Variants in BANK1 observed in about 807,000 individuals in gnomAD.
BANK1 encodes the protein B-cell scaffold protein with ankyrin repeats.
BANK1 carries 95 observed loss-of-function variants against 94.5 expected under a neutral mutation model. That is an observed-to-expected ratio of 1.00 (90% CI 0.85 to 1.19). The LOEUF is 1.19. Among genes scored for constraint, BANK1 ranks in the 50% most tolerant of loss-of-function variants. The pLI is 0.00. For missense variants in BANK1, 987 were observed against 932.2 expected (o/e 1.06, Z -0.77); for synonymous variants, 334 against 308.4 (o/e 1.08, Z -0.87).
rs1560608069 is a variant in BANK1, at chr4:101,866,634, A to AT, written c.764-3870dup. Among the ~76,000 whole-genome samples, 39 of 118,782 alleles carry AT rather than the reference A, an allele frequency of 3.3e-4. 4 individuals are homozygous for AT. The highest frequency in any genetic ancestry group is 6.5e-4 in the African/African-American group (17 of 26,064). The allele number at this position is 118,782 out of a possible 152,430, so 77.9% of individuals were successfully genotyped here. On this transcript the variant is annotated intron_variant, in intron 4 of 16. Transcript: ENST00000322953. ...TACCTGTAGAGAAATGAGTATAGGA[A>AT]TACCATTTGACCCAGCCATCCCATT...
At position 101,800,636 on chromosome 4, in the gene BANK1, T is replaced by TC. The variant is rs1202621931; in HGVS notation, c.70+9687dup. Among the ~76,000 whole-genome samples, 8 of 152,342 alleles carry TC rather than the reference T, an allele frequency of 5.3e-5. No homozygotes were observed. In the East Asian group the frequency reaches 1.5e-3, roughly 29 times the overall value. ...CCTGAATAAATCTTTCTGGCTCTAT[T>TC]CTTCCTGTGTGAATCTAAGAGACTG... On this transcript the variant is annotated intron_variant, in intron 1 of 16. Transcript: ENST00000322953.
intron 2 of BANK1, among the ~76,000 whole-genome samples, chr4:101,843,927 A>C (rs1453004753): frequency 6.6e-6 from 1 of 152,190 alleles, no homozygotes; most frequent in Non-Finnish European, 1.5e-5. Context: ...GTCTCAAAAA[A>C]AATAAAAATA....
At chr4:101,846,888 C>T (rs1727269122) in intron 2 of BANK1, among the ~76,000 whole-genome samples, 1 of 152,182 alleles carries the variant, frequency 6.6e-6, no homozygotes, top group African/African-American at 2.4e-5. Flanking sequence ...TAGGTATTCT[C>T]CTGACTTCAG....
intron 6 of BANK1, among the ~76,000 whole-genome samples, chr4:101,901,758 T>G (rs9790770): frequency 0.81 from 120,579 of 149,022 alleles, 48,960 homozygotes; most frequent in Non-Finnish European, 0.89. Context: ...GCTTTTTGTT[T>G]TTTTGTTTTT....
At chr4:101,923,267 A>G (rs540100646) in intron 7 of BANK1, among the ~76,000 whole-genome samples, 1 of 151,908 alleles carries the variant, frequency 6.6e-6, no homozygotes, top group South Asian at 2.1e-4. Context: ...CTCTCTCATT[A>G]TACTGACTCT....
chr4:101,798,718 T>C (rs1443448978), intron 1 of BANK1, among the ~76,000 whole-genome samples: 2 of 152,224 alleles, frequency 1.3e-5, no homozygotes, highest in African/African-American at 4.8e-5. Flanking sequence ...CCAATGATGA[T>C]GAGCATTTTT....
At chr4:101,792,299 T>C (rs901097854) in intron 1 of BANK1, among the ~76,000 whole-genome samples, 1 of 113,284 alleles carries the variant, frequency 8.8e-6, no homozygotes, top group Admixed American at 1.2e-4. Flanking sequence ...TCCTTCTCCA[T>C]GCAGTATTTA....
At chr4:102,060,571 T>C (rs1267823315) in intron 12 of BANK1, among the ~76,000 whole-genome samples, 182 bp downstream of exon 12, 2 of 152,158 alleles carry the variant, frequency 1.3e-5, no homozygotes, top group Non-Finnish European at 2.9e-5. Context: ...TCACCAGCCA[T>C]TGGTGAAGTC....
At chr4:101,796,968 C>A (rs1239467409) in intron 1 of BANK1, among the ~76,000 whole-genome samples, 1 of 151,852 alleles carries the variant, frequency 6.6e-6, no homozygotes, top group Non-Finnish European at 1.5e-5. Flanking sequence ...AATATGGCAC[C>A]ATTAACAGGC....
intron 7 of BANK1, among the ~76,000 whole-genome samples, chr4:101,931,000 T>C (rs1259844563): frequency 6.6e-6 from 1 of 151,536 alleles, no homozygotes; most frequent in Non-Finnish European, 1.5e-5. Context: ...CTAAAGCACC[T>C]CTCAGAATCC....
At chr4:102,073,448 T>G (rs1027727291) in intron 15 of BANK1, among the ~76,000 whole-genome samples, 3 of 151,984 alleles carry the variant, frequency 2.0e-5, no homozygotes, top group African/African-American at 7.2e-5. Flanking sequence ...AAATTCCCAA[T>G]GCTTAAAATG....
At chr4:101,889,512 G>C (rs1179759113) in intron 5 of BANK1, among the ~76,000 whole-genome samples, 1 of 119,582 alleles carries the variant, frequency 8.4e-6, no homozygotes, top group Non-Finnish European at 1.6e-5. Context: ...GCAGGAGAAT[G>C]GCGTGAACCC....
At chr4:101,798,290 G>C (rs1717653273) in intron 1 of BANK1, among the ~76,000 whole-genome samples, 1 of 152,158 alleles carries the variant, frequency 6.6e-6, no homozygotes, top group East Asian at 1.9e-4. Context: ...AGCTGAAGAT[G>C]TGGCATCAAG....
intron 7 of BANK1, among the ~76,000 whole-genome samples, chr4:101,952,548 C>A (rs992835821): frequency 6.6e-6 from 1 of 152,074 alleles, no homozygotes. Context: ...ATAGAAATAA[C>A]ATTTATTGAG....
At chr4:102,017,581 A>G (rs923501940) in intron 7 of BANK1, among the ~76,000 whole-genome samples, 2 of 152,214 alleles carry the variant, frequency 1.3e-5, no homozygotes, top group African/African-American at 4.8e-5. Context: ...CCAACCCTCC[A>G]TCGACATTTT....
At chr4:102,021,614 A>ATG in intron 8 of BANK1, 22 bp downstream of exon 8, 2 of 1,068,892 alleles carry the variant, frequency 1.9e-6, no homozygotes, top group Non-Finnish European at 2.6e-6. Context: ...CATGTTATAT[A>ATG]TATATATGAC....
intron 7 of BANK1, among the ~76,000 whole-genome samples, chr4:101,986,415 T>C (rs1048585245): frequency 6.6e-6 from 1 of 152,058 alleles, no homozygotes; most frequent in African/African-American, 2.4e-5. Context: ...TGAAATAACA[T>C]GAATGAAAAA....
At chr4:102,052,830 A>C (rs12649238) in intron 11 of BANK1, among the ~76,000 whole-genome samples, 34,721 of 152,114 alleles carry the variant, frequency 0.23, 4,379 homozygotes, top group East Asian at 0.37. Flanking sequence ...TCATAAACAA[A>C]TGGAAAATAT....
intron 7 of BANK1, among the ~76,000 whole-genome samples, chr4:101,953,258 T>C (rs375578197): frequency 6.6e-6 from 1 of 152,198 alleles, no homozygotes; most frequent in South Asian, 2.1e-4. Flanking sequence ...AGGTAAGTAG[T>C]GGACGAAATG....
Sources: allele counts gnomAD v4.1 joint callset (sites outside exome capture counted in the v4.1 genomes callset), GRCh38; gene constraint gnomAD v4.1.1; transcripts MANE v1.5; gene names NCBI Gene and HGNC (gene_info 2026-07-23, HGNC 2026-07-21).